The following SAMD12 variants were observed in gnomAD, a reference collection of about 807,000 sequenced individuals.
SAMD12 encodes the protein sterile alpha motif domain-containing protein 12.
Under a neutral mutation model 15.0 loss-of-function variants are expected in SAMD12, and 9 were observed. That is an observed-to-expected ratio of 0.60 (90% CI 0.36 to 1.05). The LOEUF is 1.05. SAMD12 is among the 50% of genes least tolerant of loss of function. SAMD12 has a pLI of 0.01. For missense variants in SAMD12, 230 were observed against 234.2 expected, an observed-to-expected ratio of 0.98 and a Z score of 0.12; for synonymous variants, 86 against 90.1, an observed-to-expected ratio of 0.96 and a Z score of 0.25.
At chr8:118,156,734 T>G in the SAMD12 span, among the ~76,000 whole-genome samples, 5 of 152,128 alleles carry the variant, frequency 3.3e-5, no homozygotes, top group Admixed American at 3.3e-4. Context: ...GCATACAAAA[T>G]GCTATACAAT....
intron 4 of SAMD12, among the ~76,000 whole-genome samples, chr8:118,301,474 C>A (rs1282709659): frequency 1.3e-5 from 2 of 152,118 alleles, no homozygotes; most frequent in African/African-American, 4.8e-5. Context: ...TAAATGAATG[C>A]CAGGATGAAT....
At chr8:118,510,774 T>G (rs145881436) in intron 2 of SAMD12, among the ~76,000 whole-genome samples, 1 of 152,220 alleles carries the variant, frequency 6.6e-6, no homozygotes, top group Non-Finnish European at 1.5e-5. Flanking sequence ...AGAGTACTAT[T>G]TATTAGTTAA....
chr8:118,256,140 G>A (rs1006495320), intron 4 of SAMD12, among the ~76,000 whole-genome samples: 1 of 152,098 alleles, frequency 6.6e-6, no homozygotes. Flanking sequence ...TTTTTTGGCT[G>A]CATAAATGTC....
chr8:118,600,836 C>G (rs1211419935), intron 1 of SAMD12, among the ~76,000 whole-genome samples: 1 of 151,968 alleles, frequency 6.6e-6, no homozygotes, highest in African/African-American at 2.4e-5. Flanking sequence ...ACATATATCA[C>G]ACTCCTTTGC....
chr8:118,351,264 G>A (rs1036317801), intron 4 of SAMD12, among the ~76,000 whole-genome samples: 12 of 152,128 alleles, frequency 7.9e-5, no homozygotes, highest in African/African-American at 2.9e-4. Context: ...TGATCACAGG[G>A]GAAATGGGAT....
chr8:118,439,834 G>A lies in SAMD12; in HGVS notation c.320C>T (p.Thr107Ile), dbSNP rs117020479. ...ATCTGGGATACTGCATACTTTACCA[G>A]TTATGTCATGCTGTTTGAATGACTC... ...YSESFKQHDITGRALLRLTDK... is the reference protein window; with the variant it reads ...YSESFKQHDIIGRALLRLTDK... Residue 107 changes from threonine (T) to isoleucine (I), a missense_variant and splice_region_variant, in exon 3 of 4, where the codon ACT becomes ATT. Coordinates refer to ENST00000314727, the MANE Select transcript of SAMD12 (RefSeq NM_207506.3). 5.2e-3 allele frequency: 8,441 copies of A among 1,612,888 alleles called. 26 individuals are homozygous for A. Among genetic ancestry groups the A allele is most frequent in the Non-Finnish European group, 6.4e-3 (7,524 of 1,178,968 alleles).
At chr8:118,178,899 C>A in the SAMD12 span, among the ~76,000 whole-genome samples, 1 of 152,198 alleles carries the variant, frequency 6.6e-6, no homozygotes, top group Non-Finnish European at 1.5e-5. Context: ...CGTGGGGCAC[C>A]TCTTTCTTTG....
chr8:118,553,128 T>C (rs1361131895), intron 2 of SAMD12, among the ~76,000 whole-genome samples: 2 of 151,550 alleles, frequency 1.3e-5, no homozygotes, highest in Non-Finnish European at 3.0e-5. Flanking sequence ...ACAGATTCAA[T>C]GCCATCCCCA....
chr8:118,515,412 C>T (rs1825214788), intron 2 of SAMD12, among the ~76,000 whole-genome samples: 1 of 152,102 alleles, frequency 6.6e-6, no homozygotes, highest in Non-Finnish European at 1.5e-5. Context: ...GAAGCTTCCT[C>T]AGCCGTGCTT....
intron 3 of SAMD12, among the ~76,000 whole-genome samples, chr8:118,407,097 A>G (rs74831618): frequency 1.3e-5 from 2 of 152,136 alleles, no homozygotes; most frequent in South Asian, 4.1e-4. Flanking sequence ...ATAAAAAAAA[A>G]CTATTAAGTA....
chr8:118,503,954 T>G (rs1302905109), intron 2 of SAMD12, among the ~76,000 whole-genome samples: 2 of 152,312 alleles, frequency 1.3e-5, no homozygotes, highest in East Asian at 1.9e-4. Context: ...AACCTCTTTT[T>G]GGGGTATCTC....
chr8:118,415,073 G>T (rs1821612280), intron 3 of SAMD12, among the ~76,000 whole-genome samples: 1 of 152,140 alleles, frequency 6.6e-6, no homozygotes, highest in Non-Finnish European at 1.5e-5. Flanking sequence ...GTGGATAAGG[G>T]ATACCCACTG....
At chr8:118,154,171 C>T in the SAMD12 span, among the ~76,000 whole-genome samples, 5 of 151,650 alleles carry the variant, frequency 3.3e-5, no homozygotes, top group South Asian at 8.3e-4. Context: ...CATACACACA[C>T]ATACAATAAA....
the SAMD12 span, among the ~76,000 whole-genome samples, chr8:118,142,503 G>A: frequency 6.6e-6 from 1 of 152,064 alleles, no homozygotes; most frequent in African/African-American, 2.4e-5. Context: ...CATATCTATC[G>A]AATGCTTGCT....
rs1346100358 is a variant in SAMD12 at position 118,318,336 on chromosome 8, A to G, written c.433+61224T>C. ...TATATATATATATATATATATATATATATATATATATATATATATACATAT... is the reference window on the plus strand; with the variant it reads ...TATATATATATATATATATATATATGTATATATATATATATATATACATAT... On this transcript the variant is annotated intron_variant, in intron 4 of 4. Transcript: ENST00000409003. Among the ~76,000 whole-genome samples, 21 of 140,808 alleles carry G rather than the reference A, an allele frequency of 1.5e-4. 2 individuals are homozygous for G. Among genetic ancestry groups the G allele is most frequent in the African/African-American group, 4.2e-4 (16 of 38,122 alleles). 92.4% of individuals were successfully genotyped at this position (140,808 alleles called of 152,430 possible).
the SAMD12 span, among the ~76,000 whole-genome samples, chr8:118,156,880 G>C: frequency 6.8e-6 from 1 of 146,466 alleles, no homozygotes; most frequent in Admixed American, 7.0e-5. Flanking sequence ...ATCAATATTT[G>C]ACATGAGTAA....
At chr8:118,532,723 C>T (rs138843282) in intron 2 of SAMD12, among the ~76,000 whole-genome samples, 12,228 of 152,140 alleles carry the variant, frequency 0.08, 678 homozygotes, top group South Asian at 0.14. Flanking sequence ...AGTTCATTTG[C>T]GTAGAGGTGT....
intron 4 of SAMD12, among the ~76,000 whole-genome samples, chr8:118,262,018 A>C (rs867801435): frequency 6.6e-6 from 1 of 152,040 alleles, no homozygotes; most frequent in African/African-American, 2.4e-5. Context: ...CATTCCTGTC[A>C]TTTGCAACAA....
At chr8:118,409,455 A>C (rs1045682861) in intron 3 of SAMD12, among the ~76,000 whole-genome samples, 1 of 129,234 alleles carries the variant, frequency 7.7e-6, no homozygotes, top group East Asian at 2.9e-4. Flanking sequence ...CACCGCTTTC[A>C]TTATGGTGTA....
Sources: gnomAD v4.1 joint callset for allele counts (sites outside exome capture counted in the v4.1 genomes callset) on GRCh38, gnomAD v4.1.1 for gene constraint, MANE v1.5 for transcripts, NCBI Gene and HGNC (gene_info 2026-07-23, HGNC 2026-07-21) for gene names.